Variants in HSPA8 observed in about 807,000 individuals in gnomAD.
The protein encoded by HSPA8 is heat shock cognate 71 kDa protein.
A neutral mutation model predicts 52.8 loss-of-function variants in HSPA8; 2 were observed. The ratio of observed to expected loss-of-function variants is 0.04; its 90% CI spans 0.02 to 0.12. The LOEUF (loss-of-function observed/expected upper bound fraction) is 0.12, where lower values mean the gene tolerates loss of function less well. Ranked by LOEUF, HSPA8 falls within the 10% of genes least tolerant of loss-of-function variation. HSPA8 has a pLI of 1.00. For synonymous variants in HSPA8, 436 were observed against 274.0 expected (o/e 1.59, Z -5.84); for missense variants, 349 against 800.5 (o/e 0.44, Z 6.81).
chr11:123,061,362 A>T, intron 1 of HSPA8, 33 bp from the exon 2 acceptor site: 2 of 1,490,438 alleles, frequency 1.3e-6, no homozygotes, highest in Non-Finnish European at 1.9e-6. Flanking sequence ...TTAAAAATTC[A>T]ATTAATCAAA....
At chr11:123,061,000 G>A (rs560638813) in intron 2 of HSPA8, 120 bp downstream of exon 2, 16 of 955,380 alleles carry the variant, frequency 1.7e-5, no homozygotes, top group African/African-American at 3.3e-5. Flanking sequence ...TAACAGACTT[G>A]ATAACAAGTC....
chr11:123,058,968 A>C, intron 6 of HSPA8, 91 bp downstream of exon 6: 1 of 1,413,334 alleles, frequency 7.1e-7, no homozygotes. Context: ...GAAACTACGA[A>C]TGGTTTTGGA....
rs577357118 is a variant in HSPA8 at position 123,059,489 on chromosome 11, A to C, written c.1104T>G (p.Ala368=). ...CATTGTTACCTGCACCATAAGCAAC[A>C]GCTTCATCAGGGTTGATGCTCTTAT... is the stretch of plus-strand genomic sequence containing the variant. The part of the protein sequence containing the change: ...ELNKSINPDE[A]VAYGAAVQAA... The change falls in exon 5 of 9, where the codon GCT becomes GCG. Residue 368 remains alanine, a synonymous_variant. Transcript: ENST00000534624. 5.8e-5 allele frequency: 93 copies of C among 1,613,628 alleles called. 3 individuals carry two copies. In the East Asian group the frequency reaches 1.0e-3, roughly 18 times the overall value.
rs373235233 is a variant in HSPA8, at chr11:123,059,604, T to A, written c.989A>T (p.Gln330Leu). Residue 330 changes from glutamine (Q) to leucine (L), a missense_variant, in exon 5 of 9, where the codon CAG becomes CTG. Coordinates refer to ENST00000534624, the MANE Select transcript of HSPA8 (RefSeq NM_006597.6). Reference protein sequence around the residue: ...ALRDAKLDKSQIHDIVLVGGS... With the variant: ...ALRDAKLDKSLIHDIVLVGGS... ...ACCAACCAGGACAATATCATGAATC[T>A]GTGACTTGTCTAGTTTGGCATCTCG... is the stretch of plus-strand genomic sequence containing the variant. 6.2e-7 allele frequency: 1 copy of A among 1,614,156 alleles called. No homozygotes were observed. The highest frequency in any genetic ancestry group is 8.5e-7 in the Non-Finnish European group (1 of 1,180,020).
intron 2 of HSPA8, 111 bp downstream of exon 2, chr11:123,061,009 T>A: frequency 1.0e-6 from 1 of 977,506 alleles, no homozygotes; most frequent in Non-Finnish European, 1.6e-6. Context: ...TGATAACAAG[T>A]CTCTCAGCTC....
rs777216036 is a variant in HSPA8, at chr11:123,058,393, G to A, written c.1614C>T (p.Ser538=). 13 of 1,613,610 alleles carry A rather than the reference G, an allele frequency of 8.1e-6. No individual in the cohort carries two copies. In the South Asian group the frequency reaches 1.3e-4, roughly 16 times the overall value. Residue 538 remains serine, a synonymous_variant, in exon 8 of 9, where the codon TCC becomes TCT. Transcript: ENST00000534624. ...EDEKQRDKVS[S]KNSLESYAFN... is the part of the protein sequence containing the mutation. The stretch of plus-strand genomic sequence containing the variant: ...AGGCATAGGACTCAAGTGAATTCTT[G>A]GATGACACCTTGTCCCTCTGCTTCT...
chr11:123,061,008 G>A, intron 2 of HSPA8, 112 bp downstream of exon 2: 1 of 976,546 alleles, frequency 1.0e-6, no homozygotes, highest in Non-Finnish European at 1.6e-6. Flanking sequence ...TTGATAACAA[G>A]TCTCTCAGCT....
chr11:123,058,542 T>TA, intron 7 of HSPA8, 58 bp from the exon 8 acceptor site: 1 of 1,576,076 alleles, frequency 6.3e-7, no homozygotes, highest in Non-Finnish European at 8.7e-7. Flanking sequence ...TGTGTAACTC[T>TA]AGTTTCTCTT....
At chr11:123,059,399 T>TTTAACAATCACTCATCACAGC (rs1865425199) in intron 5 of HSPA8, 74 bp downstream of exon 5, 1 of 1,419,788 alleles carries the variant, frequency 7.0e-7, no homozygotes, top group South Asian at 1.3e-5. Context: ...ACTACGAATG[T>TTTAACAATCACTCATCACAGC]TTAACAATCA....
At chr11:123,062,413 G>GGC (rs1172382737), upstream of HSPA8, 3 of 152,402 alleles carry the variant, frequency 2.0e-5, no homozygotes, top group Non-Finnish European at 4.4e-5. Context: ...GGGAGGGTGG[G>GGC]GCGCAGCGAG....
In HSPA8 at chr11:123,057,806, CCCAGGCATTCCT is replaced by C; in HGVS notation, c.1857_1868del (p.Met621_Gly624del). On this transcript the variant is annotated inframe_deletion, in exon 9 of 9. Coordinates refer to ENST00000534624, the MANE Select transcript of HSPA8 (RefSeq NM_006597.6). ...GAGGAGCTCCACCACCAGGAAATCC[CCCAGGCATTCCT>C]CCTGGCATGCCTCCTGCACTCTGGT... 6.2e-7 allele frequency: 1 copy of C among 1,613,762 alleles called. No homozygotes were observed. Among genetic ancestry groups the C allele is most frequent in the East Asian group, 2.2e-5 (1 of 44,880 alleles).
rs780539154 is a variant in HSPA8, at chr11:123,062,115, A to G, written c.-57T>C. 10 of 152,704 alleles carry G rather than the reference A, an allele frequency of 6.5e-5. No homozygotes were observed. The highest frequency in any genetic ancestry group is 1.2e-4 in the Non-Finnish European group (8 of 68,590). 9.5% of individuals were successfully genotyped at this position (152,704 alleles called of 1,614,324 possible). A position where few individuals can be genotyped will look rare whatever the true frequency, so the allele number is the denominator to read the frequency against. On this transcript the variant is annotated 5_prime_UTR_variant, in exon 1 of 9. Coordinates refer to ENST00000534624, the MANE Select transcript of HSPA8 (RefSeq NM_006597.6). Reference sequence around the variant, plus strand: ...CGAAGGAAGCCACAAAAAACCCAAGAGCTGCAGGCGAGTTCAATGAGACCG... The same window carrying G: ...CGAAGGAAGCCACAAAAAACCCAAGGGCTGCAGGCGAGTTCAATGAGACCG...
Position 123,059,092 on chromosome 11 carries a change from G to A in HSPA8, c.1290C>T (p.Thr430=), listed in dbSNP as rs760433396. 5 of 1,612,514 alleles carry A rather than the reference G, an allele frequency of 3.1e-6. No individual in the cohort carries two copies. The highest frequency in any genetic ancestry group is 1.7e-5 in the Admixed American group (1 of 60,016). The change falls in exon 6 of 9, where the codon ACC becomes ACT. Residue 430 remains threonine, a synonymous_variant. Coordinates refer to ENST00000534624, the MANE Select transcript of HSPA8 (RefSeq NM_006597.6). The part of the protein sequence containing the change: ...IPTKQTQTFT[T]YSDNQPGVLI... ...GCACACCAGGCTGGTTGTCAGAATA[G>A]GTAGTGAAGGTCTGTGTCTGCTTGG...
intron 1 of HSPA8, chr11:123,061,535 G>A (rs1327785817): frequency 1.5e-5 from 9 of 594,318 alleles, no homozygotes; most frequent in East Asian, 2.8e-5. Flanking sequence ...CGCCCTAGAT[G>A]AAGGACCCAT....
At position 123,058,690 on chromosome 11, in the gene HSPA8, G is replaced by C. The variant is rs571307052; in HGVS notation, c.1464C>G (p.Val488=). Residue 488 remains valine, a synonymous_variant, in exon 7 of 9, where the codon GTC becomes GTG. Coordinates refer to ENST00000534624, the MANE Select transcript of HSPA8 (RefSeq NM_006597.6). The part of the protein sequence containing the change: ...FDIDANGILN[V]SAVDKSTGKE... ...TTCCCGTACTCTTGTCCACAGCAGA[G>C]ACATTGAGTATACCATTGGCATCAA... 3 of 1,613,882 alleles carry C rather than the reference G, an allele frequency of 1.9e-6. No homozygotes were observed. The highest frequency in any genetic ancestry group is 2.2e-5 in the East Asian group (1 of 44,882).
At position 123,060,676 on chromosome 11, in the gene HSPA8, C is replaced by T; in HGVS notation, c.328G>A (p.Glu110Lys). ...RPKVQVEYKG[E>K]TKSFYPEEVS... ...TCCTCTGGATAGAAGCTTTTGGTCT[C>T]TCCCTTGTATTCTACTTGGACCTTG... is the stretch of plus-strand genomic sequence containing the variant. Residue 110 changes from glutamate (E) to lysine (K), a missense_variant, in exon 3 of 9, where the codon GAG becomes AAG. By Grantham distance (56) the Glu-to-Lys change is moderately conservative (BLOSUM62 1). Coordinates refer to ENST00000534624, the MANE Select transcript of HSPA8 (RefSeq NM_006597.6). The T allele has an allele frequency of 6.2e-7, 1 of 1,613,692 alleles. No homozygotes were observed. The highest frequency in any genetic ancestry group is 1.1e-5 in the South Asian group (1 of 91,070).
At position 123,060,045 on chromosome 11, in the gene HSPA8, T is replaced by G. The variant is rs200266481; in HGVS notation, c.565-17A>C. 27 of 1,614,002 alleles carry G rather than the reference T, an allele frequency of 1.7e-5. 1 individual carries two copies. The East Asian group carries it at 6.0e-4, about 36-fold the overall frequency. ...TGCTCCAACCTGCCGTTAAAAACAA[T>G]CTCATTTAAATTTACGATGGATCAA... On this transcript the variant is annotated splice_polypyrimidine_tract_variant and intron_variant, in intron 4 of 8. Transcript: ENST00000534624.
At chr11:123,058,588 A>G in intron 7 of HSPA8, 44 bp downstream of exon 7, 1 of 1,584,158 alleles carries the variant, frequency 6.3e-7, no homozygotes, top group African/African-American at 1.3e-5. Context: ...ACTCAATTGA[A>G]ATACCATTAT....
At position 123,058,490 on chromosome 11, in the gene HSPA8, A is replaced by G. The variant is rs922191982; in HGVS notation, c.1523-6T>C. 6.2e-7 allele frequency: 1 copy of G among 1,612,836 alleles called. No homozygotes were observed. The highest frequency in any genetic ancestry group is 1.1e-5 in the South Asian group (1 of 91,054). On this transcript the variant is annotated splice_region_variant and splice_polypyrimidine_tract_variant and intron_variant, in intron 7 of 8. Transcript: ENST00000534624. Reference sequence around the variant, plus strand: ...GTCTTCCTTGCTCAAACGGCCTAGGAAAGAAATTAACTCTAAGTAAAAGCC... The same window carrying G: ...GTCTTCCTTGCTCAAACGGCCTAGGGAAGAAATTAACTCTAAGTAAAAGCC...
Sources: allele counts gnomAD v4.1 joint callset, GRCh38; gene constraint gnomAD v4.1.1; transcripts MANE v1.5; gene names NCBI Gene and HGNC (gene_info 2026-07-23, HGNC 2026-07-21).